The following ERC1 variants were observed in gnomAD, a reference collection of about 807,000 sequenced individuals.
The protein encoded by ERC1 is RAB6 interacting protein 2.
A neutral mutation model predicts 132.0 loss-of-function variants in ERC1; 56 were observed. The observed-to-expected ratio is 0.42, with a 90% CI of 0.34 to 0.53. The LOEUF is 0.53. Among genes scored for constraint, ERC1 ranks in the 20% least tolerant of loss-of-function variants. The pLI is 0.03. For missense variants in ERC1, 1,202 were observed against 1,349.9 expected (o/e 0.89, Z 1.72); for synonymous variants, 478 against 476.1 (o/e 1.00, Z -0.05).
chr12:1,368,851 T>G (rs1255733933), intron 15 of ERC1, among the ~76,000 whole-genome samples: 1 of 152,208 alleles, frequency 6.6e-6, no homozygotes, highest in Non-Finnish European at 1.5e-5. Flanking sequence ...ATATGTGCAA[T>G]ATATAATCAA....
At chr12:1,264,527 G>A (rs1242214128) in intron 14 of ERC1, among the ~76,000 whole-genome samples, 2 of 151,158 alleles carry the variant, frequency 1.3e-5, no homozygotes, top group African/African-American at 2.4e-5. Flanking sequence ...AGCTGGGCGT[G>A]GTGGCGGGCG....
intron 9 of ERC1, among the ~76,000 whole-genome samples, chr12:1,180,978 A>AT (rs1307356348): frequency 2.0e-5 from 3 of 151,632 alleles, no homozygotes; most frequent in Non-Finnish European, 2.9e-5. Flanking sequence ...TGCCCAAGTA[A>AT]TTTTTTGTAT....
At chr12:997,981 CTTG>C (rs1315883936) in intron 1 of ERC1, among the ~76,000 whole-genome samples, 2 of 152,164 alleles carry the variant, frequency 1.3e-5, no homozygotes, top group African/African-American at 2.4e-5. Flanking sequence ...ACCCTATTGG[CTTG>C]TTATCATCAT....
At chr12:1,062,413 C>T (rs918322495) in intron 2 of ERC1, among the ~76,000 whole-genome samples, 2 of 152,160 alleles carry the variant, frequency 1.3e-5, no homozygotes, top group Admixed American at 1.3e-4. Context: ...TGAGCCACCA[C>T]ACCTTGTCAT....
At chr12:1,141,114 T>C (rs1198771556) in intron 7 of ERC1, among the ~76,000 whole-genome samples, 2 of 152,170 alleles carry the variant, frequency 1.3e-5, no homozygotes, top group Non-Finnish European at 2.9e-5. Flanking sequence ...TACCAAACTT[T>C]TTAGCTGGTT....
chr12:1,255,009 A>G (rs1029342544), intron 13 of ERC1, among the ~76,000 whole-genome samples: 6 of 151,050 alleles, frequency 4.0e-5, no homozygotes, highest in Non-Finnish European at 7.4e-5. Context: ...TTTGTTACAT[A>G]GGTATACATG....
intron 12 of ERC1, among the ~76,000 whole-genome samples, chr12:1,198,716 A>T (rs1157437622): frequency 6.6e-6 from 1 of 152,200 alleles, no homozygotes; most frequent in Non-Finnish European, 1.5e-5. Context: ...AGCCTCAGGA[A>T]ACTTACAGTC....
intron 15 of ERC1, among the ~76,000 whole-genome samples, chr12:1,311,755 A>G (rs1165805997): frequency 1.3e-5 from 2 of 152,200 alleles, no homozygotes; most frequent in Non-Finnish European, 2.9e-5. Context: ...TGCTTTACTC[A>G]TAGAGTTATC....
At chr12:1,167,358 C>T (rs1032054954) in intron 8 of ERC1, among the ~76,000 whole-genome samples, 4 of 152,220 alleles carry the variant, frequency 2.6e-5, no homozygotes, top group Non-Finnish European at 5.9e-5. Context: ...ATTGCATTCT[C>T]ATCTGTGGGA....
intron 12 of ERC1, among the ~76,000 whole-genome samples, chr12:1,228,357 C>CGTCTTGATGCTATTGTAAATAAGATTTTT (rs1566313396): frequency 8.6e-5 from 13 of 151,234 alleles, no homozygotes; most frequent in African/African-American, 2.4e-4. Context: ...CAGTTGTATA[C>CGTCTTGATGCTATTGTAAATAAGATTTTT]AAAAATATAC....
chr12:1,175,855 T>G (rs1360741007), intron 8 of ERC1, among the ~76,000 whole-genome samples: 1 of 152,162 alleles, frequency 6.6e-6, no homozygotes, highest in Non-Finnish European at 1.5e-5. Flanking sequence ...GATTTTATCA[T>G]GAAGTTGCAG....
chr12:1,257,289 A>G (rs2076875219), intron 13 of ERC1: 1 of 152,214 alleles, frequency 6.6e-6, no homozygotes, highest in Admixed American at 6.5e-5. Context: ...CTACCACCTC[A>G]TAAGAGACCC....
intron 15 of ERC1, among the ~76,000 whole-genome samples, chr12:1,313,845 A>G (rs1430311352): frequency 2.0e-5 from 3 of 152,074 alleles, no homozygotes; most frequent in Non-Finnish European, 4.4e-5. Flanking sequence ...TCAGCCGGGC[A>G]TGGTGGTAGG....
At chr12:1,300,586 G>C (rs906075931) in intron 15 of ERC1, among the ~76,000 whole-genome samples, 2 of 151,898 alleles carry the variant, frequency 1.3e-5, no homozygotes, top group Non-Finnish European at 2.9e-5. Flanking sequence ...AGCATCTGTA[G>C]GGAATTTAAA....
intron 12 of ERC1, among the ~76,000 whole-genome samples, chr12:1,196,957 C>T (rs868360358): frequency 0.05 from 1,077 of 21,380 alleles, 28 homozygotes; most frequent in Middle Eastern, 0.17. Flanking sequence ...CACACACACA[C>T]ACACATATAT....
intron 1 of ERC1, among the ~76,000 whole-genome samples, chr12:1,020,021 T>G (rs1169826247): frequency 6.6e-6 from 1 of 152,148 alleles, no homozygotes; most frequent in South Asian, 2.1e-4. Flanking sequence ...CCCAAAGTGC[T>G]AGGATTACAG....
At chr12:1,431,513 A>ATTTTC (rs145921730) in intron 17 of ERC1, among the ~76,000 whole-genome samples, 9,055 of 152,234 alleles carry the variant, frequency 0.059, 392 homozygotes, top group African/African-American at 0.11. Flanking sequence ...AGATTTTTAA[A>ATTTTC]TTATCTTATG....
intron 15 of ERC1, among the ~76,000 whole-genome samples, chr12:1,350,849 A>T (rs764321823): frequency 4.6e-5 from 7 of 152,208 alleles, no homozygotes; most frequent in Admixed American, 3.3e-4. Flanking sequence ...GTCACAAAAC[A>T]GCAGAGAAGG....
chr12:1,204,870 AATG>A (rs1446375417), intron 12 of ERC1, among the ~76,000 whole-genome samples: 2 of 152,110 alleles, frequency 1.3e-5, no homozygotes, highest in African/African-American at 4.8e-5. Context: ...GTGCCGCAAA[AATG>A]ATGGAGGGAA....
Sources: allele counts gnomAD v4.1 joint callset (sites outside exome capture counted in the v4.1 genomes callset), GRCh38; gene constraint gnomAD v4.1.1; transcripts MANE v1.5; gene names NCBI Gene and HGNC (gene_info 2026-07-23, HGNC 2026-07-21).